SHROOM3: variants seen among roughly 807,000 people sequenced by gnomAD.
SHROOM3 encodes shroom family member 3, also known as protein Shroom3.
Under a neutral mutation model 138.6 loss-of-function variants are expected in SHROOM3, and 47 were observed. The observed-to-expected ratio is 0.34, with a 90% confidence interval of 0.27 to 0.43. The LOEUF (loss-of-function observed/expected upper bound fraction) is 0.43. Among genes scored for constraint, SHROOM3 ranks in the 20% least tolerant of loss-of-function variants. The pLI is 1.00. For missense variants in SHROOM3, 2,491 were observed against 2,596.5 expected (o/e 0.96, Z 0.88); for synonymous variants, 1,062 against 1,063.3 (o/e 1.00, Z 0.02).
At position 76,625,585 on chromosome 4, in the gene SHROOM3, A is replaced by G. The variant is rs1287274977; in HGVS notation, c.323+69822A>G. Reference sequence around the variant, plus strand: ...AAGATAAAGTCAAGATTTACACACAATATAGGAAGTGTTTCTCTCCAGCCT... The same window carrying G: ...AAGATAAAGTCAAGATTTACACACAGTATAGGAAGTGTTTCTCTCCAGCCT... On this transcript the variant is annotated intron_variant, in intron 2 of 10. Transcript: ENST00000296043. Among the ~76,000 whole-genome samples, 6 of 152,016 alleles carry G rather than the reference A, an allele frequency of 3.9e-5. No homozygotes were observed. The East Asian group carries it at 9.7e-4, about 24-fold the overall frequency.
chr4:76,471,310 C>T (rs1323781669), intron 1 of SHROOM3, among the ~76,000 whole-genome samples: 1 of 148,422 alleles, frequency 6.7e-6, no homozygotes, highest in East Asian at 2.0e-4. Flanking sequence ...GTGGCGTGAT[C>T]TTGGCTCACT....
In SHROOM3 at chr4:76,710,295, G is replaced by C; in HGVS notation, c.455+8G>C. ...ACTTCGGCTGAAGCACAGGTAAGAC[G>C]CACGGAAGTTGGTGCTGGCAGTTCG... On this transcript the variant is annotated splice_region_variant and intron_variant, in intron 3 of 10. Coordinates refer to ENST00000296043, the MANE Select transcript of SHROOM3 (RefSeq NM_020859.4). 1 of 1,613,724 alleles carries C rather than the reference G, an allele frequency of 6.2e-7. No homozygotes were observed. The highest frequency in any genetic ancestry group is 8.5e-7 in the Non-Finnish European group (1 of 1,179,810).
At chr4:76,543,848 C>T (rs537607067) in intron 1 of SHROOM3, among the ~76,000 whole-genome samples, 1 of 152,332 alleles carries the variant, frequency 6.6e-6, no homozygotes, top group South Asian at 2.1e-4. Context: ...GCCAGGAATA[C>T]TTGTTGAACA....
At chr4:76,632,815 T>C (rs998773358) in intron 2 of SHROOM3, among the ~76,000 whole-genome samples, 6 of 152,202 alleles carry the variant, frequency 3.9e-5, no homozygotes, top group African/African-American at 1.4e-4. Flanking sequence ...TAAGTTTTCA[T>C]GGAGACACCT....
chr4:76,759,209 C>T (rs1310505097), intron 8 of SHROOM3, among the ~76,000 whole-genome samples: 1 of 152,190 alleles, frequency 6.6e-6, no homozygotes, highest in Non-Finnish European at 1.5e-5. Flanking sequence ...TTCCACACTG[C>T]CTTTCTCTGA....
Position 76,686,014 on chromosome 4 carries a change from AT to A in SHROOM3, c.324-24132del, listed in dbSNP as rs894150283. Reference sequence around the variant, plus strand: ...AGTATAGAAGTAAGTAATGATAGCCATTTTTTTTTTAGAGGCAGCGTCTTGC... The same window carrying A: ...AGTATAGAAGTAAGTAATGATAGCCATTTTTTTTTAGAGGCAGCGTCTTGC... On this transcript the variant is annotated intron_variant, in intron 2 of 10. Coordinates refer to ENST00000296043, the MANE Select transcript of SHROOM3 (RefSeq NM_020859.4). Among the ~76,000 whole-genome samples, 49 of 17,688 alleles carry A rather than the reference AT, an allele frequency of 2.8e-3. No homozygotes were observed. In the South Asian group the frequency reaches 0.12, roughly 44 times the overall value. The allele number at this position is 17,688 out of a possible 152,430, so 11.6% of individuals were successfully genotyped here. A position where few individuals can be genotyped will look rare whatever the true frequency, so the allele number is the denominator to read the frequency against.
intron 2 of SHROOM3, among the ~76,000 whole-genome samples, chr4:76,603,096 A>C (rs1055752225): frequency 3.9e-5 from 6 of 152,162 alleles, no homozygotes; most frequent in Admixed American, 1.3e-4. Context: ...TTCTGATTCC[A>C]CATGTTCCTG....
chr4:76,444,584 C>T (rs1730767330), intron 1 of SHROOM3, among the ~76,000 whole-genome samples: 1 of 149,526 alleles, frequency 6.7e-6, no homozygotes, highest in Non-Finnish European at 1.5e-5. Flanking sequence ...GCAACCTCCA[C>T]CTCCCGGGTT....
intron 2 of SHROOM3, among the ~76,000 whole-genome samples, chr4:76,640,754 G>T (rs1735644468): frequency 1.3e-5 from 2 of 152,202 alleles, no homozygotes; most frequent in African/African-American, 2.4e-5. Context: ...AAAGCCGGAT[G>T]ATCTCACTGA....
rs1158968531 is a variant in SHROOM3, at chr4:76,782,439, A to C, written c.*3262A>C. 1 of 152,338 alleles carries C rather than the reference A, an allele frequency of 6.6e-6. No homozygotes were observed. Among genetic ancestry groups the C allele is most frequent in the African/African-American group, 2.4e-5 (1 of 41,594 alleles). The allele number at this position is 152,338 out of a possible 1,614,324, so 9.4% of individuals were successfully genotyped here. On this transcript the variant is annotated 3_prime_UTR_variant, in exon 11 of 11. Transcript: ENST00000296043. ...GACATCCCAGTTTTCCTATTCCTCC[A>C]CTGTTAATATCTCATCTAAAATAAT...
intron 1 of SHROOM3, among the ~76,000 whole-genome samples, chr4:76,516,969 C>G (rs1422376014): frequency 6.6e-6 from 1 of 152,182 alleles, no homozygotes; most frequent in East Asian, 1.9e-4. Context: ...CTTTCCTACC[C>G]TTTGGAACTT....
At chr4:76,611,239 G>T (rs534934804) in intron 2 of SHROOM3, among the ~76,000 whole-genome samples, 1 of 150,996 alleles carries the variant, frequency 6.6e-6, no homozygotes, top group African/African-American at 2.5e-5. Flanking sequence ...GACTTTGTGC[G>T]CCCTCTCTCT....
intron 2 of SHROOM3, among the ~76,000 whole-genome samples, chr4:76,564,814 A>G (rs1733665963): frequency 6.6e-6 from 1 of 152,204 alleles, no homozygotes; most frequent in African/African-American, 2.4e-5. Context: ...AATGTATTCC[A>G]GACAGGAGCC....
intron 4 of SHROOM3, among the ~76,000 whole-genome samples, chr4:76,736,391 T>C (rs999399544): frequency 7.2e-5 from 11 of 152,162 alleles, no homozygotes; most frequent in African/African-American, 2.7e-4. Context: ...CTTTCTCTGA[T>C]AGAGAAAAAT....
At chr4:76,600,763 ATATTG>A (rs1734489555) in intron 2 of SHROOM3, among the ~76,000 whole-genome samples, 1 of 152,176 alleles carries the variant, frequency 6.6e-6, no homozygotes. Flanking sequence ...CAACATTTTT[ATATTG>A]TATTGTAACT....
chr4:76,445,851 G>A (rs1730794349), intron 1 of SHROOM3, among the ~76,000 whole-genome samples: 1 of 152,088 alleles, frequency 6.6e-6, no homozygotes, highest in East Asian at 1.9e-4. Context: ...CATTTCTAAG[G>A]TACTTCCTGG....
At chr4:76,742,152 C>CTCTA (rs3830364) in intron 5 of SHROOM3, 3 of 626,898 alleles carry the variant, frequency 4.8e-6, no homozygotes, top group South Asian at 1.8e-5. Context: ...TATACAGATT[C>CTCTA]TCTATCTATC....
At chr4:76,696,424 G>A (rs944639462) in intron 2 of SHROOM3, among the ~76,000 whole-genome samples, 9 of 152,338 alleles carry the variant, frequency 5.9e-5, no homozygotes, top group East Asian at 1.9e-4. Context: ...TCTGGCTGGG[G>A]CGGAGGCCAT....
chr4:76,573,566 A>G (rs183058494), intron 2 of SHROOM3: 1 of 154,584 alleles, frequency 6.5e-6, no homozygotes, highest in East Asian at 1.9e-4. Context: ...CTTGCTAAAC[A>G]GTGTCTGGGG....
Sources: allele counts gnomAD v4.1 joint callset (sites outside exome capture counted in the v4.1 genomes callset), GRCh38; gene constraint gnomAD v4.1.1; transcripts MANE v1.5; gene names NCBI Gene and HGNC (gene_info 2026-07-23, HGNC 2026-07-21).